PPP2R5C: variants seen among roughly 807,000 people sequenced by gnomAD.
PPP2R5C encodes serine/threonine-protein phosphatase 2A 56 kDa regulatory subunit gamma isoform.
Under a neutral mutation model 68.9 loss-of-function variants are expected in PPP2R5C, and 7 were observed. The observed-to-expected ratio is 0.10, with a 90% CI of 0.06 to 0.19. PPP2R5C has a LOEUF of 0.19. Among genes scored for constraint, PPP2R5C ranks in the 10% least tolerant of loss-of-function variants. The probability of loss-of-function intolerance (pLI) is 1.00; values close to 1 mark genes in which losing one functional copy is unlikely to be tolerated. For synonymous variants in PPP2R5C, 210 were observed against 222.2 expected, an observed-to-expected ratio of 0.95 and a Z score of 0.49; for missense variants, 348 against 641.3, an observed-to-expected ratio of 0.54 and a Z score of 4.94.
intron 2 of PPP2R5C, among the ~76,000 whole-genome samples, chr14:101,881,939 G>A (rs145221064): frequency 2.0e-5 from 3 of 152,252 alleles, no homozygotes; most frequent in African/African-American, 7.2e-5. Context: ...AAGTAACTTT[G>A]GTGGTCAACT....
chr14:101,867,531 A>G (rs2043154025), intron 2 of PPP2R5C, among the ~76,000 whole-genome samples: 1 of 152,238 alleles, frequency 6.6e-6, no homozygotes, highest in Non-Finnish European at 1.5e-5. Flanking sequence ...TAATCCCAGC[A>G]CTTTGGGAAG....
chr14:101,769,963 G>A (rs1404136664), intron 2 of PPP2R5C, among the ~76,000 whole-genome samples: 1 of 152,046 alleles, frequency 6.6e-6, no homozygotes, highest in East Asian at 1.9e-4. Flanking sequence ...AGGGCATATG[G>A]AATAGCCTGT....
chr14:101,919,996 A>G lies in PPP2R5C; in HGVS notation c.1443+2049A>G, dbSNP rs374825153. Among the ~76,000 whole-genome samples the G allele has an allele frequency of 4.1e-3, 607 of 149,552 alleles. 3 individuals carry two copies. Among genetic ancestry groups the G allele is most frequent in the Non-Finnish European group, 7.1e-3 (477 of 67,084 alleles). ...AAAAAAAAAAAAAAAAAAAAAACCAATTCTTACACATTAAATAGCTTAGGG... is the reference window on the plus strand; with the variant it reads ...AAAAAAAAAAAAAAAAAAAAAACCAGTTCTTACACATTAAATAGCTTAGGG... On this transcript the variant is annotated intron_variant, in intron 13 of 13. Coordinates refer to ENST00000334743, the Ensembl canonical transcript of PPP2R5C.
intron 1 of PPP2R5C, among the ~76,000 whole-genome samples, chr14:101,847,766 G>C (rs576957916): frequency 6.6e-6 from 1 of 150,392 alleles, no homozygotes; most frequent in South Asian, 2.1e-4. Context: ...GGGTTCAAGC[G>C]ATTCTCCTGC....
intron 2 of PPP2R5C, among the ~76,000 whole-genome samples, chr14:101,874,472 G>A (rs1045727033): frequency 1.3e-5 from 2 of 152,150 alleles, no homozygotes; most frequent in Non-Finnish European, 2.9e-5. Context: ...TTGGCCCAGA[G>A]TAAATAACTT....
At position 101,873,656 on chromosome 14, in the gene PPP2R5C, A is replaced by G. The variant is rs527630360; in HGVS notation, c.295-8505A>G. Among the ~76,000 whole-genome samples, 4 of 152,254 alleles carry G rather than the reference A, an allele frequency of 2.6e-5. No homozygotes were observed. The South Asian group carries it at 8.3e-4, about 32-fold the overall frequency. On this transcript the variant is annotated intron_variant, in intron 2 of 13. Coordinates refer to ENST00000334743, the Ensembl canonical transcript of PPP2R5C. The stretch of plus-strand genomic sequence containing the variant: ...GTAGTTTTCTCACACAAATATGCTG[A>G]TCTGTACTCTGCTGAATAGTTGAGT...
At chr14:101,898,387 A>AC (rs1430692416) in intron 8 of PPP2R5C, among the ~76,000 whole-genome samples, 1 of 152,032 alleles carries the variant, frequency 6.6e-6, no homozygotes, top group African/African-American at 2.4e-5. Context: ...TGTCAGCCTG[A>AC]CCCTAACCTT....
chr14:101,899,216 G>A lies in PPP2R5C; in HGVS notation c.853-2503G>A, dbSNP rs928995789. On this transcript the variant is annotated intron_variant, in intron 8 of 13. Transcript: ENST00000334743. The surrounding 1 kb of genome is among the most constrained non-coding windows in gnomAD (Gnocchi z 4.2). ...TTTTACAGAAGTAAAACTGTGTTCC[G>A]TTTTCACCCACCTGCCTCTTCAGTC... Among the ~76,000 whole-genome samples the A allele has an allele frequency of 2.0e-5, 3 of 152,224 alleles. No homozygotes were observed. The highest frequency in any genetic ancestry group is 4.4e-5 in the Non-Finnish European group (3 of 68,052).
At chr14:101,819,536 C>A (rs574184892) in intron 1 of PPP2R5C, 1 of 154,844 alleles carries the variant, frequency 6.5e-6, no homozygotes, top group Non-Finnish European at 1.4e-5. Flanking sequence ...TAAGTCTCAA[C>A]TCTTTTGTAT....
At chr14:101,847,162 G>A (rs1022410338) in intron 1 of PPP2R5C, among the ~76,000 whole-genome samples, 1 of 152,130 alleles carries the variant, frequency 6.6e-6, no homozygotes, top group African/African-American at 2.4e-5. Flanking sequence ...ACTATGTGCT[G>A]GCCAGTTTTA....
At chr14:101,761,798 G>A, upstream of PPP2R5C, 2 of 969,704 alleles carry the variant, frequency 2.1e-6, no homozygotes, top group Non-Finnish European at 2.4e-6. Flanking sequence ...GGCGGCGGCG[G>A]CGGCCGCGGG....
chr14:101,813,786 A>T (rs1248871722), intron 1 of PPP2R5C, among the ~76,000 whole-genome samples: 16 of 152,270 alleles, frequency 1.1e-4, no homozygotes, highest in Admixed American at 1.0e-3. Context: ...ACTCAGGAGT[A>T]GCTCCAGCCT....
chr14:101,784,512 G>GC (rs1566835605), intron 2 of PPP2R5C, among the ~76,000 whole-genome samples: 1 of 142,444 alleles, frequency 7.0e-6, no homozygotes, highest in Non-Finnish European at 1.5e-5. Context: ...AGAGAAAGTG[G>GC]GGGGGGGGAA....
rs576580757 is a variant in PPP2R5C, at chr14:101,840,470, T to C, written c.95-16216T>C. The stretch of plus-strand genomic sequence containing the variant: ...CATGTGAGCTTCCAGCACCACCTGC[T>C]CCCCCCACCACCAAAAAAAAAAAAA... On this transcript the variant is annotated intron_variant, in intron 1 of 13. Coordinates refer to ENST00000334743, the Ensembl canonical transcript of PPP2R5C. Among the ~76,000 whole-genome samples the C allele has an allele frequency of 6.9e-4, 46 of 66,428 alleles. No homozygotes were observed. The South Asian group carries it at 0.011, about 16-fold the overall frequency. The allele number at this position is 66,428 out of a possible 152,430, so 43.6% of individuals were successfully genotyped here.
At chr14:101,855,991 A>G (rs1002839974) in intron 1 of PPP2R5C, among the ~76,000 whole-genome samples, 2 of 152,254 alleles carry the variant, frequency 1.3e-5, no homozygotes, top group African/African-American at 4.8e-5. Flanking sequence ...CTAAATTGCC[A>G]TCATCATTAA....
chr14:101,797,419 A>T lies in PPP2R5C; in HGVS notation c.259+11236A>T. 1 of 406,794 alleles carries T rather than the reference A, an allele frequency of 2.5e-6. No individual in the cohort carries two copies. The highest frequency in any genetic ancestry group is 7.2e-5 in the East Asian group (1 of 13,848). 25.2% of individuals were successfully genotyped at this position (406,794 alleles called of 1,614,324 possible). A position where few individuals can be genotyped will look rare whatever the true frequency, so the allele number is the denominator to read the frequency against. On this transcript the variant is annotated intron_variant, in intron 3 of 14. Coordinates refer to the PPP2R5C transcript ENST00000328724. The surrounding 1 kb of genome is among the most constrained non-coding windows in gnomAD (Gnocchi z 4.2). Reference sequence around the variant, plus strand: ...GTGTCATCCATTCGAGCATCTGCCAAGGACCCAGGAAACACACAGTGTGTC... The same window carrying T: ...GTGTCATCCATTCGAGCATCTGCCATGGACCCAGGAAACACACAGTGTGTC...
intron 2 of PPP2R5C, among the ~76,000 whole-genome samples, chr14:101,780,682 C>T (rs1566830409): frequency 6.6e-6 from 1 of 152,170 alleles, no homozygotes; most frequent in African/African-American, 2.4e-5. Flanking sequence ...GTGGTTAGAC[C>T]TCAGGGCTTG....
At position 101,781,655 on chromosome 14, in the gene PPP2R5C, G is replaced by A. The variant is rs1468671771; in HGVS notation, c.94-4363G>A. ...CCGGAGCCTCCGGCATGGGCCCCAG[G>A]CCGGGGTCCCGCCTTTGCCCCGGCC... On this transcript the variant is annotated intron_variant, in intron 2 of 14. Transcript: ENST00000328724. The surrounding 1 kb of genome is among the most constrained non-coding windows in gnomAD (Gnocchi z 6.4). Among the ~76,000 whole-genome samples, 1 of 152,144 alleles carries A rather than the reference G, an allele frequency of 6.6e-6. No homozygotes were observed. The highest frequency in any genetic ancestry group is 2.4e-5 in the African/African-American group (1 of 41,428).
chr14:101,803,651 G>C (rs2038960298), intron 3 of PPP2R5C, among the ~76,000 whole-genome samples: 1 of 151,878 alleles, frequency 6.6e-6, no homozygotes, highest in South Asian at 2.1e-4. Flanking sequence ...TTGAACCCGG[G>C]AGGTGGAGGT....
Sources: gnomAD v4.1 joint callset for allele counts (sites outside exome capture counted in the v4.1 genomes callset) on GRCh38, gnomAD v4.1.1 for gene constraint, Gnocchi (gnomAD v3.1) non-coding constraint, MANE v1.5 for transcripts, NCBI Gene and HGNC (gene_info 2026-07-23, HGNC 2026-07-21) for gene names.